CFAP45: variants seen among roughly 807,000 people sequenced by gnomAD.
The protein encoded by CFAP45 is cilia and flagella associated protein 45, also known as cilia- and flagella-associated protein 45.
Under a neutral mutation model 75.6 loss-of-function variants are expected in CFAP45, and 43 were observed. The ratio of observed to expected loss-of-function variants is 0.57; its 90% CI spans 0.45 to 0.73. CFAP45 has a LOEUF of 0.73. CFAP45 is among the 30% of genes least tolerant of loss of function. The probability of loss-of-function intolerance (pLI) is 0.00; values close to 1 mark genes in which losing one functional copy is unlikely to be tolerated. For synonymous variants in CFAP45, 223 were observed against 244.6 expected (o/e 0.91, Z 0.82); for missense variants, 689 against 701.5 (o/e 0.98, Z 0.20).
chr1:159,898,696 G>T (rs1215039739), intron 1 of CFAP45, among the ~76,000 whole-genome samples: 1 of 152,120 alleles, frequency 6.6e-6, no homozygotes, highest in African/African-American at 2.4e-5. Flanking sequence ...TTTTAAAAGA[G>T]GACAAAAGGG....
intron 8 of CFAP45, among the ~76,000 whole-genome samples, chr1:159,880,152 A>T (rs963540812): frequency 2.6e-5 from 4 of 152,176 alleles, no homozygotes; most frequent in African/African-American, 4.8e-5. Context: ...CCAATACAGG[A>T]TGTCCAATAT....
chr1:159,880,144 A>G (rs1286677235), intron 8 of CFAP45, among the ~76,000 whole-genome samples: 1 of 152,212 alleles, frequency 6.6e-6, no homozygotes, highest in Non-Finnish European at 1.5e-5. Context: ...TCTAGCACCC[A>G]ATACAGGATG....
intron 3 of CFAP45, 129 bp from the exon 4 acceptor site, chr1:159,888,625 A>G: frequency 1.2e-6 from 1 of 831,630 alleles, no homozygotes; most frequent in South Asian, 1.7e-5. Flanking sequence ...AAGAGACGGC[A>G]AGTGTGCCAT....
chr1:159,872,574 A>G lies in CFAP45; in HGVS notation c.1578-11T>C, dbSNP rs1260889261. On this transcript the variant is annotated splice_polypyrimidine_tract_variant and intron_variant, in intron 11 of 11. Coordinates refer to ENST00000368099, the MANE Select transcript of CFAP45 (RefSeq NM_012337.3). ...GGAAGGCCAGTGGCTCTGCCGGGGA[A>G]ACGCAGGCAGGTATAAGGAAAGGTA... 6.2e-7 allele frequency: 1 copy of G among 1,612,540 alleles called. No homozygotes were observed.
rs1364007706 is a variant in CFAP45, at chr1:159,900,126, A to G, written c.-28T>C. On this transcript the variant is annotated 5_prime_UTR_variant, in exon 1 of 12. Transcript: ENST00000368099. Reference sequence around the variant, plus strand: ...CCTCAGCCACACGCCCTGACTCCGGACTTCTGCTGCCGCCTCGGCGCCGCC... The same window carrying G: ...CCTCAGCCACACGCCCTGACTCCGGGCTTCTGCTGCCGCCTCGGCGCCGCC... The G allele has an allele frequency of 6.2e-7, 1 of 1,613,724 alleles. No homozygotes were observed. Among genetic ancestry groups the G allele is most frequent in the Non-Finnish European group, 8.5e-7 (1 of 1,179,894 alleles).
intron 1 of CFAP45, among the ~76,000 whole-genome samples, chr1:159,898,820 A>C (rs984872588): frequency 6.6e-6 from 1 of 152,216 alleles, no homozygotes; most frequent in African/African-American, 2.4e-5. Flanking sequence ...ACTGAATCAA[A>C]TAGAATACAT....
At chr1:159,880,820 TC>T in intron 7 of CFAP45, 120 bp from the exon 8 acceptor site, 1 of 824,854 alleles carries the variant, frequency 1.2e-6, no homozygotes, top group Non-Finnish European at 1.9e-6. Flanking sequence ...CAGTCTAGTG[TC>T]CACAACTATC....
Position 159,876,559 on chromosome 1 carries a change from A to G in CFAP45, c.1349T>C (p.Leu450Pro). Residue 450 changes from leucine to proline, a missense_variant, in exon 10 of 12, where the codon CTT becomes CCT. Physicochemically the swap from Leu to Pro is moderately conservative, Grantham distance 98. Coordinates refer to ENST00000368099, the MANE Select transcript of CFAP45 (RefSeq NM_012337.3). ...AAGGTTCCCAGGCCCCTCCTACCGAAGAATCCTCTCGAACTCATCCCGGTC... is the reference window on the plus strand; with the variant it reads ...AAGGTTCCCAGGCCCCTCCTACCGAGGAATCCTCTCGAACTCATCCCGGTC... ...QRDRDEFERI[L>P]RAQREQIEKE... 1 of 1,611,574 alleles carries G rather than the reference A, an allele frequency of 6.2e-7. No homozygotes were observed. The highest frequency in any genetic ancestry group is 8.5e-7 in the Non-Finnish European group (1 of 1,177,718).
intron 1 of CFAP45, among the ~76,000 whole-genome samples, chr1:159,897,344 G>A (rs893689041): frequency 2.0e-5 from 3 of 152,110 alleles, no homozygotes; most frequent in African/African-American, 7.2e-5. Context: ...AGCACTTTGG[G>A]AGGCCAAAGT....
chr1:159,897,974 C>A (rs1188023747), intron 1 of CFAP45: 1 of 286,332 alleles, frequency 3.5e-6, no homozygotes, highest in East Asian at 1.7e-4. Context: ...TAGAATAGGT[C>A]AGTGTGAAGT....
chr1:159,882,453 C>T lies in CFAP45; in HGVS notation c.898-1753G>A, dbSNP rs184550539. Among the ~76,000 whole-genome samples, 11 of 152,176 alleles carry T rather than the reference C, an allele frequency of 7.2e-5. No individual in the cohort carries two copies. The East Asian group carries it at 1.5e-3, about 21-fold the overall frequency. On this transcript the variant is annotated intron_variant, in intron 7 of 11. Transcript: ENST00000368099. ...TTGTTTTTGTTGGCTCATTTCAATT[C>T]CAAGACACCAAAGGACTTTCCCTGT...
intron 2 of CFAP45, among the ~76,000 whole-genome samples, chr1:159,890,949 G>C (rs1232922764): frequency 1.3e-5 from 2 of 151,908 alleles, no homozygotes; most frequent in African/African-American, 4.8e-5. Flanking sequence ...AGTAGAGTCG[G>C]GGTTTCTCCA....
rs1430186883 is a variant in CFAP45, at chr1:159,897,146, C to T, written c.3+2950G>A. 2.0e-5 allele frequency among the ~76,000 whole-genome samples: 3 copies of T among 152,212 alleles called. No homozygotes were observed. In the East Asian group the frequency reaches 5.8e-4, roughly 29 times the overall value. ...AGGCACGGTGGCGTACACCTATAGT[C>T]CCAGCTACTTGGGAGGCTGAGGCGG... On this transcript the variant is annotated intron_variant, in intron 1 of 11. Transcript: ENST00000368099.
intron 10 of CFAP45, among the ~76,000 whole-genome samples, chr1:159,875,830 G>A (rs1649386538): frequency 6.6e-6 from 1 of 152,202 alleles, no homozygotes; most frequent in Non-Finnish European, 1.5e-5. Context: ...TGGGAGCTGT[G>A]ACTGTTGACT....
At chr1:159,877,502 C>A in intron 8 of CFAP45, 40 bp from the exon 9 acceptor site, 2 of 1,398,308 alleles carry the variant, frequency 1.4e-6, no homozygotes, top group Non-Finnish European at 2.0e-6. Flanking sequence ...TTGCCATTGC[C>A]CCAGCCTTGC....
intron 10 of CFAP45, chr1:159,873,421 G>A: frequency 1.8e-6 from 1 of 549,382 alleles, no homozygotes; most frequent in Non-Finnish European, 3.3e-6. Context: ...GCTTAGAAGG[G>A]CCCCCAGCTT....
At chr1:159,889,898 T>A (rs1649786212) in intron 3 of CFAP45, among the ~76,000 whole-genome samples, 1 of 152,180 alleles carries the variant, frequency 6.6e-6, no homozygotes, top group Non-Finnish European at 1.5e-5. Flanking sequence ...CTGAGCACAG[T>A]GTTGGCTCAT....
At chr1:159,886,886 C>T (rs1649701380) in intron 5 of CFAP45, among the ~76,000 whole-genome samples, 197 bp from the exon 6 acceptor site, 1 of 152,114 alleles carries the variant, frequency 6.6e-6, no homozygotes, top group African/African-American at 2.4e-5. Flanking sequence ...TGGCCTCCTG[C>T]TAGGTGCCAG....
chr1:159,873,992 G>A lies in CFAP45; in HGVS notation c.1353-824C>T, dbSNP rs749044452. Among the ~76,000 whole-genome samples the A allele has an allele frequency of 5.9e-5, 9 of 151,756 alleles. No homozygotes were observed. The East Asian group carries it at 1.2e-3, about 20-fold the overall frequency. ...GAAGGAAGGAGCTCAGCCTGATATC[G>A]CTCAGTTCTCTTCCTGATCCACCTC... On this transcript the variant is annotated intron_variant, in intron 10 of 11. Transcript: ENST00000368099.
Sources: gnomAD v4.1 joint callset for allele counts (sites outside exome capture counted in the v4.1 genomes callset) on GRCh38, gnomAD v4.1.1 for gene constraint, MANE v1.5 for transcripts, NCBI Gene and HGNC (gene_info 2026-07-23, HGNC 2026-07-21) for gene names.